The following SLC39A8 variants were observed in gnomAD, a reference collection of about 807,000 sequenced individuals.
The protein encoded by SLC39A8 is metal cation symporter ZIP8.
Under a neutral mutation model 40.4 loss-of-function variants are expected in SLC39A8, and 15 were observed. The ratio of observed to expected loss-of-function variants is 0.37; its 90% CI spans 0.25 to 0.57. The LOEUF is 0.57. Among genes scored for constraint, SLC39A8 ranks in the 20% least tolerant of loss-of-function variants. The pLI, the probability that SLC39A8 is intolerant of heterozygous loss-of-function variation, is 0.75. For synonymous variants in SLC39A8, 223 were observed against 221.6 expected (o/e 1.01, Z -0.06); for missense variants, 472 against 558.8 (o/e 0.84, Z 1.57).
At chr4:102,318,647 G>A (rs555763917) in intron 2 of SLC39A8, among the ~76,000 whole-genome samples, 10 of 152,120 alleles carry the variant, frequency 6.6e-5, no homozygotes, top group South Asian at 6.2e-4. Context: ...AAAACCAACC[G>A]GTTATACCAT....
chr4:102,283,250 G>A (rs1732983935), intron 6 of SLC39A8, among the ~76,000 whole-genome samples: 1 of 152,186 alleles, frequency 6.6e-6, no homozygotes, highest in East Asian at 1.9e-4. Context: ...ACTGGAAGAA[G>A]GGACTTGCCC....
At chr4:102,258,601 G>A (rs755022398), downstream of SLC39A8, among the ~76,000 whole-genome samples, 4 of 152,148 alleles carry the variant, frequency 2.6e-5, no homozygotes, top group Non-Finnish European at 5.9e-5. Flanking sequence ...ACTCCCCACT[G>A]TTCACTAATT....
intron 2 of SLC39A8, among the ~76,000 whole-genome samples, chr4:102,321,932 C>G (rs1476963201): frequency 6.6e-6 from 1 of 152,180 alleles, no homozygotes; most frequent in Non-Finnish European, 1.5e-5. Flanking sequence ...CGAAAAAGAG[C>G]CAGTATATAA....
intron 6 of SLC39A8, among the ~76,000 whole-genome samples, chr4:102,295,584 G>C (rs1733645260): frequency 6.6e-6 from 1 of 152,002 alleles, no homozygotes; most frequent in South Asian, 2.1e-4. Context: ...CTGTTGCCCA[G>C]GCTGGTCTTC....
chr4:102,276,542 C>T (rs1023955539), intron 6 of SLC39A8, among the ~76,000 whole-genome samples: 15 of 152,110 alleles, frequency 9.9e-5, no homozygotes, highest in South Asian at 2.1e-4. Context: ...GATTCACAGT[C>T]GAATTCTACC....
At chr4:102,313,676 A>C (rs1375770198) in intron 3 of SLC39A8, among the ~76,000 whole-genome samples, 5 of 151,798 alleles carry the variant, frequency 3.3e-5, no homozygotes, top group Non-Finnish European at 5.9e-5. Context: ...TGCAGCCTTG[A>C]CCTCCTATGT....
intron 4 of SLC39A8, 133 bp downstream of exon 4, chr4:102,307,303 G>T: frequency 9.5e-7 from 1 of 1,048,434 alleles, no homozygotes; most frequent in Non-Finnish European, 1.4e-6. Flanking sequence ...CTGTGATTCA[G>T]CTTTCTCTTA....
chr4:102,344,724 G>C lies in SLC39A8; in HGVS notation c.-62C>G. The stretch of plus-strand genomic sequence containing the variant: ...CTGCCGCGCAGAGGGACGCGCGCGG[G>C]CGCACTGGCGTCCTTGCCCAAGGGC... On this transcript the variant is annotated 5_prime_UTR_variant, in exon 2 of 9. Transcript: ENST00000356736. 7.3e-7 allele frequency: 1 copy of C among 1,372,054 alleles called. No homozygotes were observed. The highest frequency in any genetic ancestry group is 9.3e-7 in the Non-Finnish European group (1 of 1,070,808). 85.0% of individuals were successfully genotyped at this position (1,372,054 alleles called of 1,614,324 possible). A position where few individuals can be genotyped will look rare whatever the true frequency, so the allele number is the denominator to read the frequency against.
exon 12 of SLC39A8, chr4:102,253,280 T>G: frequency 2.1e-6 from 1 of 474,162 alleles, no homozygotes; most frequent in East Asian, 3.4e-5. Context: ...TCTTCCTTAC[T>G]CCTTTTGAGA....
At chr4:102,255,881 C>A (rs1731697851) in intron 11 of SLC39A8, among the ~76,000 whole-genome samples, 1 of 152,160 alleles carries the variant, frequency 6.6e-6, no homozygotes, top group Non-Finnish European at 1.5e-5. Flanking sequence ...TGAACTTTTT[C>A]ATCTTAAAAC....
intron 3 of SLC39A8, among the ~76,000 whole-genome samples, chr4:102,310,094 G>A (rs576816334): frequency 4.9e-4 from 75 of 152,076 alleles, no homozygotes; most frequent in African/African-American, 1.7e-3. Flanking sequence ...CCTCTCCAGT[G>A]TTATTTACCC....
rs1366185645 is a variant in SLC39A8, at chr4:102,296,838, A to AG, written c.840+7478dup. 2.6e-5 allele frequency among the ~76,000 whole-genome samples: 4 copies of AG among 152,172 alleles called. No homozygotes were observed. The East Asian group carries it at 7.8e-4, about 30-fold the overall frequency. Reference sequence around the variant, plus strand: ...TCATAAGTAACTCAACAGGGAGGGGAGGGGCTCCAGCGAAAAACCTGCCTT... The same window carrying AG: ...TCATAAGTAACTCAACAGGGAGGGGAGGGGGCTCCAGCGAAAAACCTGCCTT... On this transcript the variant is annotated intron_variant, in intron 6 of 8. Transcript: ENST00000356736.
In SLC39A8 at chr4:102,307,429, T is replaced by C. The variant is rs374894534; in HGVS notation, c.552+7A>G. 4 of 1,612,630 alleles carry C rather than the reference T, an allele frequency of 2.5e-6. No homozygotes were observed. The highest frequency in any genetic ancestry group is 1.7e-4 in the Middle Eastern group (1 of 6,054). On this transcript the variant is annotated splice_region_variant and intron_variant, in intron 4 of 8. Transcript: ENST00000356736. Reference sequence around the variant, plus strand: ...TATTCACAGAAACAAATAGCCAACATCCTTACCTCTGGAATAAGTTGGAAA... The same window carrying C: ...TATTCACAGAAACAAATAGCCAACACCCTTACCTCTGGAATAAGTTGGAAA...
chr4:102,276,974 T>C (rs950457485), intron 6 of SLC39A8, among the ~76,000 whole-genome samples: 6 of 152,168 alleles, frequency 3.9e-5, no homozygotes, highest in African/African-American at 1.2e-4. Flanking sequence ...AACTAGGTAT[T>C]GATGGAACAT....
chr4:102,324,136 C>A (rs1402696946), intron 2 of SLC39A8: 2 of 171,208 alleles, frequency 1.2e-5, no homozygotes, highest in Non-Finnish European at 1.3e-5. Flanking sequence ...GTGGCTCACA[C>A]CTGTAATCCC....
At chr4:102,263,490 G>A (rs1429632190) in intron 8 of SLC39A8, among the ~76,000 whole-genome samples, 2 of 152,184 alleles carry the variant, frequency 1.3e-5, no homozygotes, top group African/African-American at 2.4e-5. Flanking sequence ...AATCATTCGA[G>A]CTTTGGGTGA....
At chr4:102,343,967 C>A (rs1429711705) in intron 2 of SLC39A8, among the ~76,000 whole-genome samples, 1 of 152,138 alleles carries the variant, frequency 6.6e-6, no homozygotes, top group Non-Finnish European at 1.5e-5. Context: ...TACACAGGAG[C>A]CAGAACTACA....
intron 6 of SLC39A8, among the ~76,000 whole-genome samples, chr4:102,289,720 A>G (rs1578579285): frequency 6.6e-6 from 1 of 152,168 alleles, no homozygotes; most frequent in Non-Finnish European, 1.5e-5. Context: ...TACGGGAAAT[A>G]GCAAGAGAAT....
intron 6 of SLC39A8, among the ~76,000 whole-genome samples, chr4:102,289,669 T>C (rs1733335221): frequency 6.6e-6 from 1 of 152,104 alleles, no homozygotes; most frequent in Non-Finnish European, 1.5e-5. Context: ...TGGATAACTT[T>C]GAGGTGTTCA....
Sources: allele counts gnomAD v4.1 joint callset (sites outside exome capture counted in the v4.1 genomes callset), GRCh38; gene constraint gnomAD v4.1.1; transcripts MANE v1.5; gene names NCBI Gene and HGNC (gene_info 2026-07-23, HGNC 2026-07-21).